The following CDH13 variants were observed in gnomAD, a reference collection of about 807,000 sequenced individuals.
The protein encoded by CDH13 is cadherin 13.
CDH13 carries 24 observed loss-of-function variants against 63.8 expected under a neutral mutation model. That is an observed-to-expected ratio of 0.38 (90% CI 0.27 to 0.53). The LOEUF (loss-of-function observed/expected upper bound fraction) is 0.53. CDH13 is among the 20% of genes least tolerant of loss of function. The probability of loss-of-function intolerance (pLI) is 0.85; values close to 1 mark genes in which losing one functional copy is unlikely to be tolerated. For synonymous variants in CDH13, 503 were observed against 355.3 expected (o/e 1.42, Z -4.67); for missense variants, 1,049 against 903.1 (o/e 1.16, Z -2.07).
chr16:83,485,047 A>T (rs984131783), intron 6 of CDH13, among the ~76,000 whole-genome samples: 2 of 152,160 alleles, frequency 1.3e-5, no homozygotes, highest in East Asian at 3.9e-4. Flanking sequence ...TTTACTAATT[A>T]ATATATCTTG....
chr16:83,770,145 G>T (rs1245229410), intron 11 of CDH13, among the ~76,000 whole-genome samples: 1 of 152,156 alleles, frequency 6.6e-6, no homozygotes, highest in Non-Finnish European at 1.5e-5. Context: ...CGTGGCTCAT[G>T]TTTCTTGGAG....
intron 1 of CDH13, among the ~76,000 whole-genome samples, chr16:82,685,162 G>C (rs62036329): frequency 2.2e-3 from 338 of 152,320 alleles, no homozygotes; most frequent in South Asian, 0.021. Flanking sequence ...ATCTTAATCT[G>C]TTTGAGCTGC....
intron 2 of CDH13, among the ~76,000 whole-genome samples, chr16:82,876,990 T>C (rs1430417947): frequency 6.6e-6 from 1 of 152,162 alleles, no homozygotes; most frequent in African/African-American, 2.4e-5. Context: ...ATACAGTAAA[T>C]ACAACTTCTC....
At position 83,579,950 on chromosome 16, in the gene CDH13, C is replaced by T. The variant is rs79484858; in HGVS notation, c.961-22504C>T. Among the ~76,000 whole-genome samples, 8 of 152,182 alleles carry T rather than the reference C, an allele frequency of 5.3e-5. No homozygotes were observed. In the East Asian group the frequency reaches 1.2e-3, roughly 22 times the overall value. ...TGTGCTTACCTGGGAGACACCTGGACGGAGGCTGTCCCAGGCAAAGGGAAT... is the reference window on the plus strand; with the variant it reads ...TGTGCTTACCTGGGAGACACCTGGATGGAGGCTGTCCCAGGCAAAGGGAAT... On this transcript the variant is annotated intron_variant, in intron 7 of 13. Transcript: ENST00000567109.
At chr16:83,428,521 C>T (rs2071987801) in intron 6 of CDH13, among the ~76,000 whole-genome samples, 1 of 152,110 alleles carries the variant, frequency 6.6e-6, no homozygotes, top group African/African-American at 2.4e-5. Context: ...ATAACAATAA[C>T]TTTTCATAAC....
intron 5 of CDH13, among the ~76,000 whole-genome samples, chr16:83,313,530 A>G (rs760613231): frequency 2.7e-4 from 41 of 151,782 alleles, no homozygotes; most frequent in Non-Finnish European, 5.3e-4. Context: ...TGTGTCTGCC[A>G]TTTTTAGAGG....
rs1292308671 is a variant in CDH13, at chr16:83,508,116, A to AG, written c.960+21463dup. ...GGAAGGAAAGAAGGAAGGAAAAGGA[A>AG]GGAAGGGAGGAAGGAAAGGGAAGGG... On this transcript the variant is annotated intron_variant, in intron 7 of 13. Coordinates refer to ENST00000567109, the MANE Select transcript of CDH13 (RefSeq NM_001257.5). 3.5e-3 allele frequency among the ~76,000 whole-genome samples: 205 copies of AG among 58,208 alleles called. 2 individuals carry two copies. Among genetic ancestry groups the AG allele is most frequent in the African/African-American group, 0.012 (183 of 15,742 alleles). The allele number at this position is 58,208 out of a possible 152,430, so 38.2% of individuals were successfully genotyped here. A position where few individuals can be genotyped will look rare whatever the true frequency, so the allele number is the denominator to read the frequency against.
At chr16:83,461,327 C>G (rs1263615622) in intron 6 of CDH13, among the ~76,000 whole-genome samples, 1 of 151,976 alleles carries the variant, frequency 6.6e-6, no homozygotes, top group African/African-American at 2.4e-5. Context: ...TTATCTCATT[C>G]AACATTTTTA....
intron 4 of CDH13, among the ~76,000 whole-genome samples, chr16:83,157,357 A>G (rs2037249790): frequency 6.6e-6 from 1 of 152,180 alleles, no homozygotes; most frequent in Non-Finnish European, 1.5e-5. Flanking sequence ...GGTGGCTCTA[A>G]GAGATGACAG....
intron 5 of CDH13, among the ~76,000 whole-genome samples, chr16:83,290,404 G>T (rs1018765362): frequency 6.6e-6 from 1 of 152,038 alleles, no homozygotes; most frequent in South Asian, 2.1e-4. Context: ...TTCCCATGCT[G>T]TTCTCATGGT....
chr16:83,673,269 A>C (rs1021690591), intron 9 of CDH13, among the ~76,000 whole-genome samples: 3 of 152,224 alleles, frequency 2.0e-5, no homozygotes, highest in Non-Finnish European at 2.9e-5. Context: ...ACATTCGTTC[A>C]TCGGACATAG....
rs1677440711 is a variant in CDH13, at chr16:82,751,252, A to G, written c.46-107110A>G. 2.0e-5 allele frequency among the ~76,000 whole-genome samples: 3 copies of G among 152,198 alleles called. No homozygotes were observed. In the South Asian group the frequency reaches 6.2e-4, roughly 32 times the overall value. On this transcript the variant is annotated intron_variant, in intron 1 of 13. Transcript: ENST00000567109. ...AATTGCATAGGGCCCTGTGCTTAACAGGAGGGCCCATGCGTGCGAGTTAAT... is the reference window on the plus strand; with the variant it reads ...AATTGCATAGGGCCCTGTGCTTAACGGGAGGGCCCATGCGTGCGAGTTAAT...
chr16:83,445,508 C>A (rs79708992), intron 6 of CDH13, among the ~76,000 whole-genome samples: 2,130 of 152,154 alleles, frequency 0.014, 46 homozygotes, highest in African/African-American at 0.048. Context: ...GTGGAGGAAG[C>A]CAAGATTCTG....
chr16:82,897,078 C>T (rs926548688), intron 2 of CDH13, among the ~76,000 whole-genome samples: 30 of 152,122 alleles, frequency 2.0e-4, no homozygotes, highest in African/African-American at 6.5e-4. Context: ...CCGTGCCCTG[C>T]CACACTGCTG....
intron 2 of CDH13, among the ~76,000 whole-genome samples, chr16:82,875,040 T>G (rs1321293176): frequency 6.6e-6 from 1 of 152,174 alleles, no homozygotes; most frequent in Non-Finnish European, 1.5e-5. Flanking sequence ...ACCTCCCAAA[T>G]AAAGGCCTGG....
At chr16:83,074,847 C>T (rs1271582124) in intron 3 of CDH13, among the ~76,000 whole-genome samples, 2 of 152,206 alleles carry the variant, frequency 1.3e-5, no homozygotes, top group African/African-American at 2.4e-5. Flanking sequence ...TGATTCCAGA[C>T]ATCACGTGGA....
intron 8 of CDH13, among the ~76,000 whole-genome samples, chr16:83,604,780 C>T (rs1198970808): frequency 2.6e-5 from 4 of 152,116 alleles, no homozygotes; most frequent in African/African-American, 9.7e-5. Context: ...TAGGATAACC[C>T]CAACCCAAAA....
intron 1 of CDH13, among the ~76,000 whole-genome samples, chr16:82,789,907 A>C (rs2036209378): frequency 1.3e-5 from 2 of 152,158 alleles, no homozygotes. Context: ...AGGAAGAATC[A>C]GGGTGGTGAG....
At chr16:83,511,498 T>C (rs1187821969) in intron 7 of CDH13, among the ~76,000 whole-genome samples, 1 of 151,676 alleles carries the variant, frequency 6.6e-6, no homozygotes. Flanking sequence ...CACTCACATA[T>C]ACACTCACAC....
Sources: gnomAD v4.1 joint callset for allele counts (sites outside exome capture counted in the v4.1 genomes callset) on GRCh38, gnomAD v4.1.1 for gene constraint, MANE v1.5 for transcripts, NCBI Gene and HGNC (gene_info 2026-07-23, HGNC 2026-07-21) for gene names.